FUT8: variants seen among roughly 807,000 people sequenced by gnomAD.
FUT8 encodes the protein alpha-(1,6)-fucosyltransferase.
In FUT8, 29 loss-of-function variants were observed where a neutral mutation model predicts 71.3. The observed-to-expected ratio is 0.41, with a 90% CI of 0.30 to 0.55. The LOEUF (loss-of-function observed/expected upper bound fraction) is 0.55. Among genes scored for constraint, FUT8 ranks in the 20% least tolerant of loss-of-function variants. The pLI is 0.34. For synonymous variants in FUT8, 254 were observed against 239.3 expected, an observed-to-expected ratio of 1.06 and a Z score of -0.57; for missense variants, 544 against 702.1, an observed-to-expected ratio of 0.77 and a Z score of 2.55.
chr14:65,598,110 G>A (rs1888089622), intron 3 of FUT8, among the ~76,000 whole-genome samples: 1 of 152,154 alleles, frequency 6.6e-6, no homozygotes, highest in Non-Finnish European at 1.5e-5. Flanking sequence ...GGAAGTCAAG[G>A]CTACACAGTA....
chr14:65,704,065 TAGGTCTCCCTGATTTAACA>T (rs1894443910), intron 7 of FUT8, among the ~76,000 whole-genome samples: 4 of 152,186 alleles, frequency 2.6e-5, no homozygotes, highest in Non-Finnish European at 4.4e-5. Context: ...AGAAACCCAA[TAGGTCTCCCTGATTTAACA>T]TAATTGGATG....
At chr14:65,695,439 TTTTG>T (rs1307515803) in intron 7 of FUT8, among the ~76,000 whole-genome samples, 2 of 152,196 alleles carry the variant, frequency 1.3e-5, no homozygotes, top group Admixed American at 1.3e-4. Context: ...TTTTTTTGTT[TTTTG>T]TTCATTTTTT....
intron 2 of FUT8, among the ~76,000 whole-genome samples, chr14:65,457,057 T>C (rs2065903593): frequency 6.6e-6 from 1 of 152,164 alleles, no homozygotes; most frequent in Admixed American, 6.5e-5. Flanking sequence ...CCTAGCTATT[T>C]TGAAATGTAC....
rs372503678 is a variant in FUT8, at chr14:65,593,868, A to T, written c.204-22110A>T. ...TGGGATTACAGGCATGCACCACCAC[A>T]CCTGGCTAATTTTGTATTTTTAGTA... On this transcript the variant is annotated intron_variant, in intron 3 of 10. Coordinates refer to ENST00000673929, the MANE Select transcript of FUT8 (RefSeq NM_001371533.1). Among the ~76,000 whole-genome samples the T allele has an allele frequency of 5.3e-5, 8 of 151,220 alleles. No individual in the cohort carries two copies. The South Asian group carries it at 1.0e-3, about 20-fold the overall frequency.
At position 65,733,283 on chromosome 14, in the gene FUT8, C is replaced by G. The variant is rs765775747; in HGVS notation, c.1312C>G (p.Leu438Val). The G allele has an allele frequency of 2.5e-6, 4 of 1,607,444 alleles. No homozygotes were observed. The South Asian group carries it at 4.4e-5, about 18-fold the overall frequency. Residue 438 changes from leucine to valine, a missense_variant, in exon 10 of 11, where the codon CTG becomes GTG. By Grantham distance (32) the Leu-to-Val change is conservative (BLOSUM62 1). Coordinates refer to ENST00000673929, the MANE Select transcript of FUT8 (RefSeq NM_001371533.1). ...TAACTCTATTTCCTGGTCAGCTGGA[C>G]TGCACAATCGATACACAGAAAATTC... ...SDNSISWSAGLHNRYTENSLR... is the reference protein window; with the variant it reads ...SDNSISWSAGVHNRYTENSLR...
intron 7 of FUT8, among the ~76,000 whole-genome samples, chr14:65,673,899 A>G (rs1057285170): frequency 3.3e-5 from 5 of 152,170 alleles, no homozygotes; most frequent in African/African-American, 1.2e-4. Flanking sequence ...TATCTCACTC[A>G]GGTCAGAAGG....
upstream of FUT8, among the ~76,000 whole-genome samples, chr14:65,408,983 T>C (rs1047638902): frequency 8.5e-5 from 13 of 152,344 alleles, no homozygotes; most frequent in Middle Eastern, 0.01. Context: ...AGACTTTTTT[T>C]CCCTATATTT....
chr14:65,440,159 C>T (rs1247706185), intron 1 of FUT8, among the ~76,000 whole-genome samples: 2 of 151,334 alleles, frequency 1.3e-5, no homozygotes, highest in Non-Finnish European at 2.9e-5. Context: ...CAAAGTTAGA[C>T]TCATAGAAGC....
chr14:65,431,299 C>CTTTT (rs138985726), intron 1 of FUT8, among the ~76,000 whole-genome samples: 2 of 98,832 alleles, frequency 2.0e-5, no homozygotes, highest in Non-Finnish European at 3.9e-5. Context: ...CTGCGCCGGC[C>CTTTT]TTTTTTTTTT....
At chr14:65,377,813 G>C in the FUT8 span, among the ~76,000 whole-genome samples, 9 of 152,194 alleles carry the variant, frequency 5.9e-5, no homozygotes, top group African/African-American at 2.2e-4. Flanking sequence ...AGAACCAGTT[G>C]TGAAATTAAA....
At chr14:65,521,239 C>T (rs1883057584) in intron 2 of FUT8, among the ~76,000 whole-genome samples, 1 of 152,038 alleles carries the variant, frequency 6.6e-6, no homozygotes, top group African/African-American at 2.4e-5. Context: ...TATAGAAAAA[C>T]TGAAACAAAA....
intron 2 of FUT8, among the ~76,000 whole-genome samples, chr14:65,465,468 G>A (rs2066028917): frequency 2.0e-5 from 3 of 152,080 alleles, no homozygotes; most frequent in South Asian, 4.2e-4. Context: ...CACTGTGCCC[G>A]GCCATAAATT....
chr14:65,564,716 C>T (rs1486449421), intron 3 of FUT8, among the ~76,000 whole-genome samples: 1 of 151,982 alleles, frequency 6.6e-6, no homozygotes, highest in Non-Finnish European at 1.5e-5. Context: ...CTTAACTGAT[C>T]TGATTTCTGT....
chr14:65,684,343 C>T (rs1045389800), intron 7 of FUT8, among the ~76,000 whole-genome samples: 10 of 152,012 alleles, frequency 6.6e-5, no homozygotes, highest in Admixed American at 3.9e-4. Context: ...TTCTGTTTCA[C>T]GGAAATGAAT....
chr14:65,690,888 GC>G (rs1415875489), intron 7 of FUT8, among the ~76,000 whole-genome samples: 5 of 152,072 alleles, frequency 3.3e-5, no homozygotes, highest in Admixed American at 6.6e-5. Flanking sequence ...ACCACACCGG[GC>G]TGATTTTCGT....
intron 7 of FUT8, among the ~76,000 whole-genome samples, chr14:65,672,575 T>G (rs1019549013): frequency 1.3e-5 from 2 of 152,182 alleles, no homozygotes; most frequent in African/African-American, 4.8e-5. Context: ...TCCTCTCACT[T>G]CAGCCCCCAC....
intron 2 of FUT8, among the ~76,000 whole-genome samples, chr14:65,519,686 G>T (rs1882954849): frequency 6.6e-6 from 1 of 152,166 alleles, no homozygotes; most frequent in Non-Finnish European, 1.5e-5. Context: ...TGTTATTAAA[G>T]AATTCTGCAT....
chr14:65,717,455 G>GCCA (rs1895169584), intron 7 of FUT8, among the ~76,000 whole-genome samples: 1 of 137,796 alleles, frequency 7.3e-6, no homozygotes. Context: ...CAGGGCAGCT[G>GCCA]GGCAGAGGCG....
intron 3 of FUT8, among the ~76,000 whole-genome samples, chr14:65,596,935 T>A (rs994980507): frequency 1.3e-5 from 2 of 152,236 alleles, no homozygotes; most frequent in African/African-American, 4.8e-5. Context: ...ATATTCCTTA[T>A]AATCCTTTTA....
Sources: allele counts gnomAD v4.1 joint callset (sites outside exome capture counted in the v4.1 genomes callset), GRCh38; gene constraint gnomAD v4.1.1; transcripts MANE v1.5; gene names NCBI Gene and HGNC (gene_info 2026-07-23, HGNC 2026-07-21).